The following CLNS1A variants were observed in gnomAD, a reference collection of about 807,000 sequenced individuals.
CLNS1A encodes the protein chloride nucleotide-sensitive channel 1A.
In CLNS1A, 16 loss-of-function variants were observed where a neutral mutation model predicts 29.4. The observed-to-expected ratio is 0.54, with a 90% CI of 0.37 to 0.83. The LOEUF is 0.83. Among genes scored for constraint, CLNS1A ranks in the 40% least tolerant of loss-of-function variants. The pLI is 0.00. For missense variants in CLNS1A, 235 were observed against 287.4 expected (o/e 0.82, Z 1.32); for synonymous variants, 96 against 104.8 (o/e 0.92, Z 0.51).
intron 6 of CLNS1A, 66 bp from the exon 7 acceptor site, chr11:77,616,761 G>A (rs1958908961): frequency 6.6e-6 from 1 of 152,190 alleles, no homozygotes; most frequent in Non-Finnish European, 1.5e-5. Context: ...CTTATTGAAT[G>A]CCTAGTCACG....
At chr11:77,621,180 C>T (rs1196057032) in intron 5 of CLNS1A, among the ~76,000 whole-genome samples, 11 of 152,054 alleles carry the variant, frequency 7.2e-5, no homozygotes, top group African/African-American at 2.2e-4. Context: ...GTAATCCCTG[C>T]TACTCAGGAG....
chr11:77,631,619 T>C (rs1590803081), intron 1 of CLNS1A, among the ~76,000 whole-genome samples: 2 of 151,588 alleles, frequency 1.3e-5, no homozygotes, highest in East Asian at 3.9e-4. Context: ...ACCCTGCCCC[T>C]AATTGTATAC....
intron 1 of CLNS1A, among the ~76,000 whole-genome samples, chr11:77,636,110 A>C (rs547366396): frequency 6.6e-6 from 1 of 152,006 alleles, no homozygotes; most frequent in South Asian, 2.1e-4. Context: ...TCACTCTGTC[A>C]TGCAGGCTGG....
At chr11:77,619,760 T>C (rs1052710230) in intron 5 of CLNS1A, 65 bp from the exon 6 acceptor site, 30 of 1,134,556 alleles carry the variant, frequency 2.6e-5, no homozygotes, top group Middle Eastern at 1.9e-4. Flanking sequence ...ATTCAACTTA[T>C]AACTTCTACC....
At chr11:77,632,896 T>C (rs1590803933) in intron 1 of CLNS1A, among the ~76,000 whole-genome samples, 2 of 151,916 alleles carry the variant, frequency 1.3e-5, no homozygotes, top group South Asian at 2.1e-4. Context: ...CAGACCAGAC[T>C]ACCAACATGG....
intron 2 of CLNS1A, among the ~76,000 whole-genome samples, chr11:77,629,191 T>C (rs1175285451): frequency 6.6e-6 from 1 of 152,176 alleles, no homozygotes; most frequent in East Asian, 1.9e-4. Flanking sequence ...AGTGAAACTT[T>C]AGAGGAAAAG....
intron 4 of CLNS1A, among the ~76,000 whole-genome samples, chr11:77,623,409 G>C (rs1281969077): frequency 6.6e-6 from 1 of 152,046 alleles, no homozygotes; most frequent in Admixed American, 6.6e-5. Context: ...GGACAACATA[G>C]TAAGACTTCA....
intron 5 of CLNS1A, among the ~76,000 whole-genome samples, chr11:77,620,280 C>G (rs542939944): frequency 6.6e-6 from 1 of 152,252 alleles, no homozygotes; most frequent in East Asian, 1.9e-4. Flanking sequence ...GTAAGTTTCA[C>G]TAGATCTGAT....
In CLNS1A at chr11:77,625,208, T is replaced by C; in HGVS notation, c.365-138A>G. On this transcript the variant is annotated intron_variant, in intron 3 of 6. Transcript: ENST00000525428. ...ATTGTAAGATCAATCTTGAAAGCGG[T>C]TGAAGCAAAAGACAAGTCATAAAAT... 10 of 629,336 alleles carry C rather than the reference T, an allele frequency of 1.6e-5. No individual in the cohort carries two copies. Among genetic ancestry groups the C allele is most frequent in the East Asian group, 2.8e-5 (1 of 36,204 alleles). 39.0% of individuals were successfully genotyped at this position (629,336 alleles called of 1,614,324 possible).
intron 1 of CLNS1A, among the ~76,000 whole-genome samples, chr11:77,633,585 C>T (rs1032243056): frequency 1.3e-5 from 2 of 152,042 alleles, no homozygotes; most frequent in African/African-American, 4.8e-5. Context: ...TGGTGAGTGT[C>T]CTTTATTCCC....
At chr11:77,637,485 C>A in intron 1 of CLNS1A, 105 bp downstream of exon 1, 5 of 1,419,552 alleles carry the variant, frequency 3.5e-6, no homozygotes, top group Non-Finnish European at 4.7e-6. Context: ...ACCCCGCTCC[C>A]AGCAGGCCTC....
chr11:77,629,849 G>A lies in CLNS1A; in HGVS notation c.176C>T (p.Pro59Leu), dbSNP rs1341507687. 3 of 1,613,696 alleles carry A rather than the reference G, an allele frequency of 1.9e-6. No individual in the cohort carries two copies. The highest frequency in any genetic ancestry group is 1.7e-4 in the Middle Eastern group (1 of 6,012). ...GSGLGFSLEYPTISLHALSRD... is the reference protein window; with the variant it reads ...GSGLGFSLEYLTISLHALSRD... ...GGATAATGCATGTAAACTAATGGTGGGGTATTCCAGTGAGAATCCTAATCC... is the reference window on the plus strand; with the variant it reads ...GGATAATGCATGTAAACTAATGGTGAGGTATTCCAGTGAGAATCCTAATCC... The change falls in exon 2 of 7, where the codon CCC (proline) becomes CTC (leucine). Residue 59 changes from proline to leucine, a missense_variant. Pro to Leu is a moderately conservative substitution (Grantham distance 98, BLOSUM62 -3). Transcript: ENST00000525428.
intron 6 of CLNS1A, 143 bp downstream of exon 6, chr11:77,619,463 G>A (rs1958935288): frequency 1.6e-6 from 1 of 629,266 alleles, no homozygotes; most frequent in Non-Finnish European, 2.9e-6. Context: ...GTTCAAGGCT[G>A]TAGTGAGCTA....
intron 3 of CLNS1A, 21 bp downstream of exon 3, chr11:77,625,696 T>C (rs371742466): frequency 2.4e-5 from 38 of 1,597,470 alleles, no homozygotes; most frequent in Non-Finnish European, 3.1e-5. Flanking sequence ...AGGGGAAGAA[T>C]CAATACTGTA....
intron 1 of CLNS1A, 88 bp downstream of exon 1, chr11:77,637,502 G>T: frequency 6.8e-7 from 1 of 1,462,746 alleles, no homozygotes. Context: ...CCTCCAGGCC[G>T]CCCCTTGCCC....
intron 6 of CLNS1A, among the ~76,000 whole-genome samples, chr11:77,618,258 A>G (rs562212014): frequency 6.6e-6 from 1 of 152,368 alleles, no homozygotes; most frequent in African/African-American, 2.4e-5. Flanking sequence ...AACAAGTATC[A>G]CTGAACTGAA....
In CLNS1A at chr11:77,625,828, A is replaced by G. The variant is rs370110791; in HGVS notation, c.263-10T>C. On this transcript the variant is annotated splice_polypyrimidine_tract_variant and intron_variant, in intron 2 of 6. Transcript: ENST00000525428. The stretch of plus-strand genomic sequence containing the variant: ...GGTTCTTTTGATTCTTCTAGAAAAT[A>G]AAATACCCTTTTAATGTCATTATTT... 1.3e-6 allele frequency: 2 copies of G among 1,542,476 alleles called. No individual in the cohort carries two copies. The highest frequency in any genetic ancestry group is 1.8e-6 in the Non-Finnish European group (2 of 1,119,064).
At position 77,637,619 on chromosome 11, in the gene CLNS1A, G is replaced by A. The variant is rs771198733; in HGVS notation, c.96C>T (p.Leu32=). The change falls in exon 1 of 7, where the codon CTC becomes CTT. Residue 32 remains leucine, a synonymous_variant. Coordinates refer to ENST00000525428, the MANE Select transcript of CLNS1A (RefSeq NM_001293.3). ...CAGCGATGTAAAGGGTACCAGTGCCGAGGCCCTTCCCGTTCAGCACAGCCT... is the reference window on the plus strand; with the variant it reads ...CAGCGATGTAAAGGGTACCAGTGCCAAGGCCCTTCCCGTTCAGCACAGCCT... ...DTEAVLNGKG[L]GTGTLYIAES... is the part of the protein sequence containing the mutation. 6.9e-6 allele frequency: 11 copies of A among 1,597,892 alleles called. No homozygotes were observed. The South Asian group carries it at 1.2e-4, about 18-fold the overall frequency.
chr11:77,634,176 A>G (rs1959101020), intron 1 of CLNS1A, among the ~76,000 whole-genome samples: 1 of 152,128 alleles, frequency 6.6e-6, no homozygotes, highest in African/African-American at 2.4e-5. Flanking sequence ...ATCTTTCAAC[A>G]CAAATCTGAG....
Sources: gnomAD v4.1 joint callset for allele counts (sites outside exome capture counted in the v4.1 genomes callset) on GRCh38, gnomAD v4.1.1 for gene constraint, MANE v1.5 for transcripts, NCBI Gene and HGNC (gene_info 2026-07-23, HGNC 2026-07-21) for gene names.